The following CAMK1D variants were observed in gnomAD, a reference collection of about 807,000 sequenced individuals.
CAMK1D encodes the protein calcium/calmodulin-dependent protein kinase type 1D.
A neutral mutation model predicts 47.7 loss-of-function variants in CAMK1D; 9 were observed. That is an observed-to-expected ratio of 0.19 (90% CI 0.11 to 0.33). The LOEUF (loss-of-function observed/expected upper bound fraction) is 0.33. Ranked by LOEUF, CAMK1D falls within the 10% of genes least tolerant of loss-of-function variation. The probability of loss-of-function intolerance (pLI) is 1.00; values close to 1 mark genes in which losing one functional copy is unlikely to be tolerated. For synonymous variants in CAMK1D, 184 were observed against 184.9 expected (o/e 0.99, Z 0.04); for missense variants, 291 against 488.7 (o/e 0.60, Z 3.81).
intron 2 of CAMK1D, among the ~76,000 whole-genome samples, chr10:12,569,097 T>G (rs2132309538): frequency 6.6e-6 from 1 of 152,230 alleles, no homozygotes; most frequent in Non-Finnish European, 1.5e-5. Flanking sequence ...TGTTGCTGAG[T>G]CGGATGAACA....
At chr10:12,485,820 G>A (rs900636000) in intron 1 of CAMK1D, among the ~76,000 whole-genome samples, 1 of 152,154 alleles carries the variant, frequency 6.6e-6, no homozygotes, top group Non-Finnish European at 1.5e-5. Flanking sequence ...ATTAACTAGG[G>A]CTTAAGACCT....
intron 10 of CAMK1D, among the ~76,000 whole-genome samples, chr10:12,827,332 T>TC (rs757841612): frequency 4.3e-5 from 3 of 70,420 alleles, no homozygotes; most frequent in African/African-American, 1.1e-4. Context: ...TTCTCTCTCT[T>TC]CTCTTCCTTC....
intron 6 of CAMK1D, among the ~76,000 whole-genome samples, chr10:12,802,999 G>T (rs1005775777): frequency 6.6e-6 from 1 of 152,216 alleles, no homozygotes; most frequent in South Asian, 2.1e-4. Context: ...AGGTTAATAT[G>T]ACCTGGCTCT....
rs141969944 is a variant in CAMK1D, at chr10:12,675,941, T to TTTTG, written c.299+9155_299+9158dup. 1.5e-3 allele frequency among the ~76,000 whole-genome samples: 222 copies of TTTTG among 151,900 alleles called. 7 individuals are homozygous for TTTTG. The highest frequency in any genetic ancestry group is 0.012 in the Admixed American group (180 of 15,272). The stretch of plus-strand genomic sequence containing the variant: ...CTGGAATCGCTTATCTTTTTTTATG[T>TTTTG]TTTGTTTGTTTGTTTGTTTGTTTGT... On this transcript the variant is annotated intron_variant, in intron 3 of 10. Coordinates refer to ENST00000619168, the MANE Select transcript of CAMK1D (RefSeq NM_153498.4).
chr10:12,816,764 C>T (rs146527759), intron 8 of CAMK1D, among the ~76,000 whole-genome samples: 3,880 of 151,496 alleles, frequency 0.026, 177 homozygotes, highest in African/African-American at 0.089. Flanking sequence ...CCCAGCTACT[C>T]GCAAGGCTGA....
At chr10:12,608,555 G>A (rs1838530461) in intron 2 of CAMK1D, among the ~76,000 whole-genome samples, 1 of 152,188 alleles carries the variant, frequency 6.6e-6, no homozygotes, top group Non-Finnish European at 1.5e-5. Flanking sequence ...CTGGCAGGAG[G>A]GAACCAGAGG....
chr10:12,614,767 A>G (rs1838731668), intron 2 of CAMK1D, among the ~76,000 whole-genome samples: 2 of 152,290 alleles, frequency 1.3e-5, no homozygotes, highest in South Asian at 4.1e-4. Flanking sequence ...AGGCTTATTC[A>G]CCATGTGCTC....
At chr10:12,716,756 C>T (rs1294013308) in intron 3 of CAMK1D, among the ~76,000 whole-genome samples, 1 of 152,068 alleles carries the variant, frequency 6.6e-6, no homozygotes, top group Non-Finnish European at 1.5e-5. Flanking sequence ...AACTATATTT[C>T]TGGAATTGAA....
rs138518575 is a variant in CAMK1D at position 12,400,334 on chromosome 10, T to C, written c.92+50424T>C. Among the ~76,000 whole-genome samples the C allele has an allele frequency of 2.1e-3, 325 of 152,334 alleles. 1 individual carries two copies. The highest frequency in any genetic ancestry group is 7.0e-3 in the African/African-American group (291 of 41,576). On this transcript the variant is annotated intron_variant, in intron 1 of 10. Transcript: ENST00000619168. ...AGTGCCTTTGCCGTTTAAACTTCACTGTGAGCTCACTTCTTGCTGCGTACC... is the reference window on the plus strand; with the variant it reads ...AGTGCCTTTGCCGTTTAAACTTCACCGTGAGCTCACTTCTTGCTGCGTACC...
At chr10:12,625,675 A>G (rs1239957350) in intron 2 of CAMK1D, among the ~76,000 whole-genome samples, 1 of 122,596 alleles carries the variant, frequency 8.2e-6, no homozygotes, top group Non-Finnish European at 1.8e-5. Flanking sequence ...GGTTTGCCTC[A>G]GCTCTCTGGT....
intron 1 of CAMK1D, among the ~76,000 whole-genome samples, chr10:12,433,879 G>A (rs377194373): frequency 5.3e-4 from 81 of 152,324 alleles, no homozygotes; most frequent in African/African-American, 1.9e-3. Flanking sequence ...CTGTCGTTGG[G>A]TGGGGATTTC....
intron 1 of CAMK1D, among the ~76,000 whole-genome samples, chr10:12,522,674 G>T (rs945977924): frequency 2.6e-5 from 4 of 151,554 alleles, no homozygotes; most frequent in African/African-American, 7.3e-5. Flanking sequence ...CCACAAAACC[G>T]CCATTGTCAT....
intron 1 of CAMK1D, among the ~76,000 whole-genome samples, chr10:12,525,707 G>A (rs547848595): frequency 4.8e-4 from 73 of 152,130 alleles, no homozygotes; most frequent in African/African-American, 1.8e-3. Flanking sequence ...TCTATTGATT[G>A]TGTTTTAACT....
chr10:12,625,647 T>TTTTTTTTTTTTTTTTTTGAGACGG (rs1554799416), intron 2 of CAMK1D, among the ~76,000 whole-genome samples: 1 of 148,416 alleles, frequency 6.7e-6, no homozygotes. Flanking sequence ...CCCCATTTCT[T>TTTTTTTTTTTTTTTTTTGAGACGG]ACTGTGTAAT....
intron 1 of CAMK1D, among the ~76,000 whole-genome samples, chr10:12,526,129 A>G (rs1226789190): frequency 6.6e-6 from 1 of 152,222 alleles, no homozygotes; most frequent in Non-Finnish European, 1.5e-5. Flanking sequence ...GAAAAGGTTG[A>G]AATTTCTTTC....
intron 3 of CAMK1D, among the ~76,000 whole-genome samples, chr10:12,679,725 C>G (rs58261685): frequency 0.011 from 1,729 of 152,222 alleles, 41 homozygotes; most frequent in African/African-American, 0.039. Context: ...CATCTAGAAT[C>G]TCTCTTTTCT....
intron 1 of CAMK1D, among the ~76,000 whole-genome samples, chr10:12,521,028 G>C (rs1405390663): frequency 6.6e-6 from 1 of 151,400 alleles, no homozygotes; most frequent in East Asian, 2.0e-4. Flanking sequence ...AATCAGCTTG[G>C]CTAGAGGTTT....
intron 3 of CAMK1D, among the ~76,000 whole-genome samples, chr10:12,759,841 T>C (rs1836417388): frequency 6.6e-6 from 1 of 152,350 alleles, no homozygotes; most frequent in Admixed American, 6.5e-5. Context: ...TTGTCGTGCC[T>C]TTTGGAAAAT....
chr10:12,509,074 T>C (rs967617531), intron 1 of CAMK1D, among the ~76,000 whole-genome samples: 1 of 152,130 alleles, frequency 6.6e-6, no homozygotes, highest in Non-Finnish European at 1.5e-5. Context: ...TCACAGCTGA[T>C]TGCATTTTGT....
Sources: allele counts gnomAD v4.1 joint callset (sites outside exome capture counted in the v4.1 genomes callset), GRCh38; gene constraint gnomAD v4.1.1; transcripts MANE v1.5; gene names NCBI Gene and HGNC (gene_info 2026-07-23, HGNC 2026-07-21).